Variants in MTRF1 observed in about 807,000 individuals in gnomAD.
The protein encoded by MTRF1 is mitochondrial translation release factor 1.
Under a neutral mutation model 62.9 loss-of-function variants are expected in MTRF1, and 51 were observed. The ratio of observed to expected loss-of-function variants is 0.81; its 90% CI spans 0.65 to 1.02. MTRF1 has a LOEUF of 1.02. MTRF1 is among the 50% of genes least tolerant of loss of function. The pLI is 0.00. For missense variants in MTRF1, 446 were observed against 530.0 expected (o/e 0.84, Z 1.56); for synonymous variants, 158 against 181.9 (o/e 0.87, Z 1.06).
At position 41,252,944 on chromosome 13, in the gene MTRF1, C is replaced by G. The variant is rs1377820690; in HGVS notation, c.589+5G>C. On this transcript the variant is annotated splice_donor_5th_base_variant and intron_variant, in intron 4 of 9. Transcript: ENST00000379480. ...TCATTTAAATAATAAAGTAAGTTTA[C>G]TGACCTCCAGTAGTCCTTCCAGCTG... 5 of 1,581,660 alleles carry G rather than the reference C, an allele frequency of 3.2e-6. No individual in the cohort carries two copies. The highest frequency in any genetic ancestry group is 4.3e-6 in the Non-Finnish European group (5 of 1,159,672).
intron 2 of MTRF1, among the ~76,000 whole-genome samples, chr13:41,257,123 G>A (rs1476237886): frequency 1.3e-5 from 2 of 152,110 alleles, no homozygotes; most frequent in African/African-American, 2.4e-5. Flanking sequence ...GGGACAGCAC[G>A]AATATATCCA....
intron 5 of MTRF1, among the ~76,000 whole-genome samples, chr13:41,248,416 C>T (rs1593918516): frequency 6.6e-6 from 1 of 152,228 alleles, no homozygotes; most frequent in East Asian, 1.9e-4. Context: ...GCCACTACGC[C>T]CAGCCTCTGC....
chr13:41,301,793 G>A, the MTRF1 span, among the ~76,000 whole-genome samples: 1 of 151,870 alleles, frequency 6.6e-6, no homozygotes, highest in Non-Finnish European at 1.5e-5. Flanking sequence ...CAGAAACAAA[G>A]TCTGTCTTAT....
Position 41,223,177 on chromosome 13 carries a change from T to G in MTRF1, c.1224+79A>C, listed in dbSNP as rs944106872. ...GTAATATTTTAGATATACTTGGTAA[T>G]ATCTACATATATGTTCTAGAATTTG... On this transcript the variant is annotated intron_variant, in intron 9 of 9. Coordinates refer to ENST00000379480, the MANE Select transcript of MTRF1 (RefSeq NM_004294.4). 5.6e-6 allele frequency: 5 copies of G among 887,064 alleles called. No homozygotes were observed. In the Admixed American group the frequency reaches 1.3e-4, roughly 22 times the overall value. 54.9% of individuals were successfully genotyped at this position (887,064 alleles called of 1,614,324 possible).
the MTRF1 span, among the ~76,000 whole-genome samples, chr13:41,286,244 G>C: frequency 6.6e-6 from 1 of 152,132 alleles, no homozygotes; most frequent in South Asian, 2.1e-4. Context: ...TGAGCATCCT[G>C]CCACTTCTTT....
chr13:41,220,591 A>AGGAATGT, intron 9 of MTRF1: 1 of 1,289,006 alleles, frequency 7.8e-7, no homozygotes, highest in Non-Finnish European at 1.0e-6. Context: ...ATCCAAGGAT[A>AGGAATGT]GGAATGTGGA....
intron 1 of MTRF1, chr13:41,262,569 C>T (rs1460109950): frequency 6.6e-6 from 1 of 152,146 alleles, no homozygotes; most frequent in Non-Finnish European, 1.5e-5. Context: ...TCCCCTCCAA[C>T]AGAGATAATC....
the MTRF1 span, among the ~76,000 whole-genome samples, chr13:41,286,163 T>C: frequency 6.6e-6 from 1 of 150,578 alleles, no homozygotes; most frequent in African/African-American, 2.4e-5. Context: ...TGTAGCAATC[T>C]TATAGGAGAA....
rs192753754 is a variant in MTRF1, at chr13:41,238,568, C to A, written c.870+1693G>T. Among the ~76,000 whole-genome samples the A allele has an allele frequency of 8.5e-5, 13 of 152,250 alleles. No individual in the cohort carries two copies. The East Asian group carries it at 2.3e-3, about 27-fold the overall frequency. ...GGAAGGAATGGCGGAATTAGAAAAT[C>A]ACCATCTTGCAACTCCAAAGTAAAG... On this transcript the variant is annotated intron_variant, in intron 6 of 9. Transcript: ENST00000379480.
chr13:41,311,533 C>T, the MTRF1 span: 1 of 1,605,092 alleles, frequency 6.2e-7, no homozygotes, highest in Non-Finnish European at 8.5e-7. Flanking sequence ...GCCACGATGC[C>T]GAACGTGCTG....
chr13:41,220,238 G>T (rs1480201900), intron 9 of MTRF1, among the ~76,000 whole-genome samples: 2 of 144,350 alleles, frequency 1.4e-5, no homozygotes, highest in Non-Finnish European at 3.0e-5. Context: ...GCTGAGGCAG[G>T]AGAATCACTT....
the MTRF1 span, among the ~76,000 whole-genome samples, chr13:41,270,014 T>C: frequency 0.018 from 2,724 of 152,336 alleles, 101 homozygotes; most frequent in African/African-American, 0.061. Context: ...TTAGAAATTA[T>C]AGTAATCTTA....
chr13:41,232,050 G>T (rs1237069635), intron 7 of MTRF1, among the ~76,000 whole-genome samples: 1 of 151,940 alleles, frequency 6.6e-6, no homozygotes, highest in Non-Finnish European at 1.5e-5. Flanking sequence ...TCCAGCCTGG[G>T]CAACAGGCCA....
intron 2 of MTRF1, among the ~76,000 whole-genome samples, chr13:41,258,314 G>A: frequency 6.6e-6 from 1 of 152,042 alleles, no homozygotes; most frequent in East Asian, 1.9e-4. Context: ...AGAAAATCTA[G>A]AAACTAAAAG....
intron 3 of MTRF1, 32 bp from the exon 4 acceptor site, chr13:41,253,062 T>C (rs1288175616): frequency 8.7e-6 from 13 of 1,488,488 alleles, no homozygotes; most frequent in African/African-American, 1.4e-5. Context: ...GTGTGTATAT[T>C]TTCCCCGGTA....
chr13:41,273,218 C>T, the MTRF1 span, among the ~76,000 whole-genome samples: 120 of 151,636 alleles, frequency 7.9e-4, 1 homozygote, highest in Middle Eastern at 0.01. Context: ...CCCAGTTGCT[C>T]GGGAGCCCGA....
chr13:41,275,973 AATTTGCATTTCTAGGGACAATAATC>A, the MTRF1 span, among the ~76,000 whole-genome samples: 2 of 152,102 alleles, frequency 1.3e-5, no homozygotes, highest in African/African-American at 4.8e-5. Flanking sequence ...CATTGTACGC[AATTTGCATTTCTAGGGACAATAATC>A]ATTTGCATTA....
At chr13:41,309,910 C>T in the MTRF1 span, among the ~76,000 whole-genome samples, 2 of 152,088 alleles carry the variant, frequency 1.3e-5, no homozygotes, top group South Asian at 2.1e-4. Context: ...GCAGGAGAAT[C>T]GCTTGAACCT....
intron 5 of MTRF1, among the ~76,000 whole-genome samples, chr13:41,246,578 T>C (rs9525466): frequency 0.64 from 96,736 of 151,910 alleles, 31,064 homozygotes; most frequent in Admixed American, 0.66. Flanking sequence ...AACATATTAC[T>C]GGATAATAAT....
Sources: allele counts gnomAD v4.1 joint callset (sites outside exome capture counted in the v4.1 genomes callset), GRCh38; gene constraint gnomAD v4.1.1; transcripts MANE v1.5; gene names NCBI Gene and HGNC (gene_info 2026-07-23, HGNC 2026-07-21).